Variants in ATG4C observed in about 807,000 individuals in gnomAD.
ATG4C encodes cysteine protease ATG4C.
ATG4C carries 56 observed loss-of-function variants against 57.6 expected under a neutral mutation model. That is an observed-to-expected ratio of 0.97 (90% CI 0.78 to 1.21). The LOEUF (loss-of-function observed/expected upper bound fraction) is 1.21, where lower values mean the gene tolerates loss of function less well. ATG4C is among the 50% of genes most tolerant of loss of function. The probability of loss-of-function intolerance (pLI) is 0.00; values close to 1 mark genes in which losing one functional copy is unlikely to be tolerated. For synonymous variants in ATG4C, 157 were observed against 174.1 expected (o/e 0.90, Z 0.78); for missense variants, 595 against 529.8 (o/e 1.12, Z -1.21).
At chr1:62,831,918 T>A (rs1665854585) in intron 7 of ATG4C, among the ~76,000 whole-genome samples, 1 of 152,198 alleles carries the variant, frequency 6.6e-6, no homozygotes, top group Non-Finnish European at 1.5e-5. Flanking sequence ...TCAGTGACAA[T>A]CCTTGCTATA....
rs1027793853 is a variant in ATG4C at position 62,816,883 on chromosome 1, C to G, written c.394+75C>G. ...CGATATTTTTCCATTTGAATTCCAG[C>G]TTACAAACTGCATGAAATTCCCTGA... is the stretch of plus-strand genomic sequence containing the variant. On this transcript the variant is annotated intron_variant, in intron 4 of 10. Transcript: ENST00000317868. 12 of 1,119,374 alleles carry G rather than the reference C, an allele frequency of 1.1e-5. No homozygotes were observed. The African/African-American group carries it at 1.9e-4, about 18-fold the overall frequency. The allele number at this position is 1,119,374 out of a possible 1,614,324, so 69.3% of individuals were successfully genotyped here.
intron 1 of ATG4C, among the ~76,000 whole-genome samples, chr1:62,798,806 G>A (rs1222152635): frequency 7.2e-5 from 11 of 151,926 alleles, no homozygotes; most frequent in Non-Finnish European, 1.6e-4. Context: ...CACCATGCCT[G>A]GCTAATTTTT....
chr1:62,829,236 G>A, intron 7 of ATG4C, 60 bp downstream of exon 7: 3 of 1,574,688 alleles, frequency 1.9e-6, no homozygotes, highest in Non-Finnish European at 2.6e-6. Context: ...AAATATAGAA[G>A]GTTTGCAATT....
chr1:62,808,831 G>A (rs1481456844), intron 3 of ATG4C, among the ~76,000 whole-genome samples: 1 of 152,168 alleles, frequency 6.6e-6, no homozygotes, highest in East Asian at 1.9e-4. Context: ...ATTTACTGAC[G>A]CTGTGATATG....
chr1:62,838,942 A>T (rs1666084217), intron 9 of ATG4C, among the ~76,000 whole-genome samples: 1 of 152,226 alleles, frequency 6.6e-6, no homozygotes, highest in African/African-American at 2.4e-5. Context: ...AACAACCATG[A>T]ATAACAATTT....
In ATG4C at chr1:62,850,874, A is replaced by G. The variant is rs1301873709; in HGVS notation, c.1209+9327A>G. Among the ~76,000 whole-genome samples the G allele has an allele frequency of 2.6e-3, 199 of 75,188 alleles. 7 individuals carry two copies. Among genetic ancestry groups the G allele is most frequent in the Middle Eastern group, 0.014 (2 of 148 alleles). The allele number at this position is 75,188 out of a possible 152,430, so 49.3% of individuals were successfully genotyped here. On this transcript the variant is annotated intron_variant, in intron 10 of 10. Transcript: ENST00000317868. ...TGTATGTATATATATATATATATAT[A>G]TATATATATATATATATATATATAT...
chr1:62,798,480 G>A (rs553263946), intron 1 of ATG4C, among the ~76,000 whole-genome samples: 5 of 152,120 alleles, frequency 3.3e-5, no homozygotes, highest in Admixed American at 6.6e-5. Flanking sequence ...TTTATAGTGT[G>A]TTTTAATATG....
chr1:62,784,260 G>A lies in ATG4C; in HGVS notation c.-82G>A, dbSNP rs1664007714. ...TCCTGCACATTTTTACAGTTCTCCA[G>A]TCCTTCTCTTTCGGTGAGGGATCGG... On this transcript the variant is annotated 5_prime_UTR_variant, in exon 1 of 11. Transcript: ENST00000317868. 6.6e-6 allele frequency: 1 copy of A among 152,558 alleles called. No individual in the cohort carries two copies. The highest frequency in any genetic ancestry group is 2.4e-5 in the African/African-American group (1 of 41,438). 9.5% of individuals were successfully genotyped at this position (152,558 alleles called of 1,614,324 possible). A position where few individuals can be genotyped will look rare whatever the true frequency, so the allele number is the denominator to read the frequency against.
chr1:62,860,242 G>C (rs1666810407), intron 10 of ATG4C, among the ~76,000 whole-genome samples: 1 of 152,082 alleles, frequency 6.6e-6, no homozygotes, highest in African/African-American at 2.4e-5. Context: ...GCCTTCTTCT[G>C]CAGTGCCTCC....
At chr1:62,810,293 A>G (rs1665037799) in intron 3 of ATG4C, among the ~76,000 whole-genome samples, 1 of 152,240 alleles carries the variant, frequency 6.6e-6, no homozygotes, top group African/African-American at 2.4e-5. Context: ...ACAGTCCAAC[A>G]GATGAGAGAC....
chr1:62,811,986 C>G (rs1665101544), intron 3 of ATG4C, among the ~76,000 whole-genome samples: 1 of 151,892 alleles, frequency 6.6e-6, no homozygotes, highest in African/African-American at 2.4e-5. Flanking sequence ...TAAGTGAGGA[C>G]TAACTGTATT....
At chr1:62,790,633 T>G (rs941619400) in intron 1 of ATG4C, among the ~76,000 whole-genome samples, 1 of 152,188 alleles carries the variant, frequency 6.6e-6, no homozygotes, top group Non-Finnish European at 1.5e-5. Context: ...ATCAGTTATC[T>G]GTAAAACTAC....
chr1:62,790,502 G>GTATA (rs1423838831), intron 1 of ATG4C, among the ~76,000 whole-genome samples: 4 of 152,012 alleles, frequency 2.6e-5, no homozygotes, highest in Non-Finnish European at 5.9e-5. Flanking sequence ...CCCACTAAAG[G>GTATA]TATATATAGT....
intron 7 of ATG4C, among the ~76,000 whole-genome samples, chr1:62,831,702 A>T (rs1451524386): frequency 6.6e-6 from 1 of 152,196 alleles, no homozygotes; most frequent in Non-Finnish European, 1.5e-5. Context: ...CACCACTAGA[A>T]AAATAACTGT....
chr1:62,857,228 C>T (rs1666712811), intron 10 of ATG4C, among the ~76,000 whole-genome samples: 1 of 152,194 alleles, frequency 6.6e-6, no homozygotes, highest in Non-Finnish European at 1.5e-5. Flanking sequence ...GTGTTTACAG[C>T]CATTCCCCAT....
intron 1 of ATG4C, among the ~76,000 whole-genome samples, chr1:62,789,760 T>C (rs1557953986): frequency 6.6e-6 from 1 of 151,758 alleles, no homozygotes; most frequent in Non-Finnish European, 1.5e-5. Context: ...GAGCTTGGAG[T>C]GATCCGAGTT....
At chr1:62,843,620 G>A (rs565567236) in intron 10 of ATG4C, among the ~76,000 whole-genome samples, 9 of 151,986 alleles carry the variant, frequency 5.9e-5, no homozygotes, top group South Asian at 2.1e-4. Context: ...TGTTTAATTC[G>A]TAATACCCTA....
At chr1:62,824,786 G>C (rs527514627) in intron 6 of ATG4C, among the ~76,000 whole-genome samples, 1 of 151,382 alleles carries the variant, frequency 6.6e-6, no homozygotes, top group South Asian at 2.1e-4. Context: ...TCCTGCCTCA[G>C]CTTCCCAAGT....
chr1:62,850,852 A>ATGTG (rs1229051307), intron 10 of ATG4C, among the ~76,000 whole-genome samples: 36 of 94,652 alleles, frequency 3.8e-4, no homozygotes, highest in African/African-American at 7.3e-4. Context: ...GTGTGTATGT[A>ATGTG]TGTATATATA....
Sources: allele counts gnomAD v4.1 joint callset (sites outside exome capture counted in the v4.1 genomes callset), GRCh38; gene constraint gnomAD v4.1.1; transcripts MANE v1.5; gene names NCBI Gene and HGNC (gene_info 2026-07-23, HGNC 2026-07-21).